Variants in SRSF6 observed in about 807,000 individuals in gnomAD.
SRSF6 encodes serine/arginine-rich splicing factor 6.
In SRSF6, 17 loss-of-function variants were observed where a neutral mutation model predicts 42.0. That is an observed-to-expected ratio of 0.40 (90% confidence interval 0.28 to 0.61). SRSF6 has a LOEUF of 0.61. SRSF6 is among the 20% of genes least tolerant of loss of function. SRSF6 has a pLI of 0.37. For missense variants in SRSF6, 379 were observed against 471.4 expected (o/e 0.80, Z 1.81); for synonymous variants, 204 against 166.7 (o/e 1.22, Z -1.72).
In SRSF6 at chr20:43,461,106, A is replaced by T. The variant is rs567752099; in HGVS notation, c.*43A>T. ...GCACATTATTATGGAACACTTTCCT[A>T]CTTAGGCAGTTACTCTTCCATGTTT... is the stretch of plus-strand genomic sequence containing the variant. On this transcript the variant is annotated 3_prime_UTR_variant, in exon 6 of 6. Coordinates refer to ENST00000244020, the MANE Select transcript of SRSF6 (RefSeq NM_006275.6). 34 of 1,511,800 alleles carry T rather than the reference A, an allele frequency of 2.2e-5. No homozygotes were observed. The South Asian group carries it at 4.1e-4, about 18-fold the overall frequency. 93.6% of individuals were successfully genotyped at this position (1,511,800 alleles called of 1,614,324 possible).
chr20:43,459,135 G>A (rs1368923559), intron 2 of SRSF6: 1 of 1,351,736 alleles, frequency 7.4e-7, no homozygotes, highest in East Asian at 4.5e-5. Context: ...ACAAGTCCTT[G>A]ATGTTTCAAT....
intron 4 of SRSF6, 104 bp downstream of exon 4, chr20:43,460,345 T>A: frequency 7.1e-7 from 1 of 1,417,834 alleles, no homozygotes; most frequent in Non-Finnish European, 9.8e-7. Context: ...AGCCAGCTTT[T>A]AGTTTGTTTT....
chr20:43,462,197 CAG>C lies in SRSF6; in HGVS notation c.*1135_*1136del, dbSNP rs1225747699. 6.6e-6 allele frequency: 1 copy of C among 152,100 alleles called. No homozygotes were observed. Among genetic ancestry groups the C allele is most frequent in the African/African-American group, 2.4e-5 (1 of 41,398 alleles). The allele number at this position is 152,100 out of a possible 1,614,324, so 9.4% of individuals were successfully genotyped here. A position where few individuals can be genotyped will look rare whatever the true frequency, so the allele number is the denominator to read the frequency against. On this transcript the variant is annotated 3_prime_UTR_variant, in exon 6 of 6. Coordinates refer to ENST00000244020, the MANE Select transcript of SRSF6 (RefSeq NM_006275.6). ...TGCTTTGTGTAATTGGTTTGAAAAA[CAG>C]TGAAATGGGTAAACGCAAAACTTTT...
Position 43,457,932 on chromosome 20 carries a change from G to T in SRSF6, c.-102G>T. 2 of 971,806 alleles carry T rather than the reference G, an allele frequency of 2.1e-6. No homozygotes were observed. Among genetic ancestry groups the T allele is most frequent in the Non-Finnish European group, 3.2e-6 (2 of 634,916 alleles). The allele number at this position is 971,806 out of a possible 1,614,324, so 60.2% of individuals were successfully genotyped here. A position where few individuals can be genotyped will look rare whatever the true frequency, so the allele number is the denominator to read the frequency against. ...GGACTCGGCCGCCCCTGTGGTGTGA[G>T]GCGCGTGTTCGGGCTCTTGCCGTCC... On this transcript the variant is annotated 5_prime_UTR_variant, in exon 1 of 6. It adds an upstream start codon to the 5' untranslated region. Transcript: ENST00000244020.
intron 2 of SRSF6, chr20:43,459,003 AAAT>A (rs1427217905): frequency 4.1e-5 from 24 of 589,088 alleles, no homozygotes; most frequent in Non-Finnish European, 6.0e-5. Flanking sequence ...AAGTAGATCT[AAAT>A]AAGCTTTATG....
Position 43,459,672 on chromosome 20 carries a change from C to T in SRSF6, c.257-99C>T, listed in dbSNP as rs2017552379. 3.8e-6 allele frequency: 6 copies of T among 1,565,480 alleles called. No individual in the cohort carries two copies. The South Asian group carries it at 4.6e-5, about 12-fold the overall frequency. Reference sequence around the variant, plus strand: ...TTAGCAATATAATAGCAAAGTCCTACTCCAGTAAATAAAAGTTGATATGTT... The same window carrying T: ...TTAGCAATATAATAGCAAAGTCCTATTCCAGTAAATAAAAGTTGATATGTT... On this transcript the variant is annotated intron_variant, in intron 2 of 5. Transcript: ENST00000244020.
Position 43,458,404 on chromosome 20 carries a change from G to T in SRSF6, c.151G>T (p.Ala51Ser). 6.4e-7 allele frequency: 1 copy of T among 1,555,006 alleles called. No homozygotes were observed. ...CGAGGACTCCCGCGACGCCGACGAC[G>T]CCGTTTACGAGCTGAACGGCAAGGA... ...EFEDSRDADD[A>S]VYELNGKELC... The change falls in exon 2 of 6, where the codon GCC becomes TCC. Residue 51 changes from alanine (A) to serine (S), a missense_variant. Physicochemically the swap from Ala to Ser is moderately conservative, Grantham distance 99 (BLOSUM62 1). Coordinates refer to ENST00000244020, the MANE Select transcript of SRSF6 (RefSeq NM_006275.6).
chr20:43,461,334 G>GTTTTTTTTTTTTT lies in SRSF6; in HGVS notation c.*273_*274insTTTTTTTTTTTTT, dbSNP rs1196378267. The GTTTTTTTTTTTTT allele has an allele frequency of 5.0e-4, 28 of 56,470 alleles. 5 individuals are homozygous for GTTTTTTTTTTTTT. Among genetic ancestry groups the GTTTTTTTTTTTTT allele is most frequent in the African/African-American group, 2.1e-3 (28 of 13,570 alleles). The allele number at this position is 56,470 out of a possible 1,614,324, so 3.5% of individuals were successfully genotyped here. A position where few individuals can be genotyped will look rare whatever the true frequency, so the allele number is the denominator to read the frequency against. On this transcript the variant is annotated 3_prime_UTR_variant, in exon 6 of 6. Coordinates refer to ENST00000244020, the MANE Select transcript of SRSF6 (RefSeq NM_006275.6). ...TTTGTAAAGATTAAGCTCATTTAGTGTTGTTTTTTTTTTTTTTTTTTTTTT... is the reference window on the plus strand; with the variant it reads ...TTTGTAAAGATTAAGCTCATTTAGTGTTTTTTTTTTTTTTTGTTTTTTTTTTTTTTTTTTTTTT...
chr20:43,460,779 C>T lies in SRSF6; in HGVS notation c.751C>T (p.Pro251Ser). Reference protein sequence around the residue: ...RKSRSKSKSKPKSDRGSHSHS... With the variant: ...RKSRSKSKSKSKSDRGSHSHS... ...ATCTAGATCAAAGAGCAAATCTAAG[C>T]CCAAGTCTGATCGGGGCTCCCATTC... is the stretch of plus-strand genomic sequence containing the variant. The change falls in exon 6 of 6, where the codon CCC becomes TCC. Residue 251 changes from proline (P) to serine (S), a missense_variant. Pro to Ser is a moderately conservative substitution (Grantham distance 74). This residue lies in a region of SRSF6 where 219 missense variants were observed against 216.1 expected (regional missense o/e 1.01). Coordinates refer to ENST00000244020, the MANE Select transcript of SRSF6 (RefSeq NM_006275.6). 1.9e-6 allele frequency: 3 copies of T among 1,614,150 alleles called. No homozygotes were observed. Among genetic ancestry groups the T allele is most frequent in the Non-Finnish European group, 8.5e-7 (1 of 1,180,034 alleles).
At position 43,461,894 on chromosome 20, in the gene SRSF6, C is replaced by T. The variant is rs1235957321; in HGVS notation, c.*831C>T. The T allele has an allele frequency of 6.6e-6, 1 of 152,118 alleles. No homozygotes were observed. Among genetic ancestry groups the T allele is most frequent in the Non-Finnish European group, 1.5e-5 (1 of 68,032 alleles). 9.4% of individuals were successfully genotyped at this position (152,118 alleles called of 1,614,324 possible). On this transcript the variant is annotated 3_prime_UTR_variant, in exon 6 of 6. Coordinates refer to ENST00000244020, the MANE Select transcript of SRSF6 (RefSeq NM_006275.6). ...TACTTGGGATCTTGTTTAGAGAATC[C>T]ACTTTCTGGAAGTTCTCAGCATAAT...
rs1159882447 is a variant in SRSF6 at position 43,462,238 on chromosome 20, A to G, written c.*1175A>G. 6.6e-6 allele frequency: 1 copy of G among 152,218 alleles called. No homozygotes were observed. The highest frequency in any genetic ancestry group is 1.9e-4 in the East Asian group (1 of 5,208). 9.4% of individuals were successfully genotyped at this position (152,218 alleles called of 1,614,324 possible). A position where few individuals can be genotyped will look rare whatever the true frequency, so the allele number is the denominator to read the frequency against. Reference sequence around the variant, plus strand: ...CGCAAAACTTTTGTACTTTATTACGAGTAAAGTGTAATGAGTACTGTGGAA... The same window carrying G: ...CGCAAAACTTTTGTACTTTATTACGGGTAAAGTGTAATGAGTACTGTGGAA... On this transcript the variant is annotated 3_prime_UTR_variant, in exon 6 of 6. Transcript: ENST00000244020.
chr20:43,460,423 A>C (rs1032526663), intron 4 of SRSF6, 92 bp from the exon 5 acceptor site: 1 of 1,457,248 alleles, frequency 6.9e-7, no homozygotes, highest in Non-Finnish European at 9.5e-7. Context: ...GTAAAGAAAA[A>C]CATTATTCTT....
chr20:43,460,813 G>A lies in SRSF6; in HGVS notation c.785G>A (p.Arg262Gln), dbSNP rs751833647. The A allele has an allele frequency of 6.8e-6, 11 of 1,613,984 alleles. No individual in the cohort carries two copies. Among genetic ancestry groups the A allele is most frequent in the East Asian group, 2.2e-5 (1 of 44,894 alleles). Reference sequence around the variant, plus strand: ...GATCGGGGCTCCCATTCACATTCTCGAAGCAGATCTAAGGATGAGTATGAG... The same window carrying A: ...GATCGGGGCTCCCATTCACATTCTCAAAGCAGATCTAAGGATGAGTATGAG... ...KSDRGSHSHSRSRSKDEYEKS... is the reference protein window; with the variant it reads ...KSDRGSHSHSQSRSKDEYEKS... Residue 262 changes from arginine to glutamine, a missense_variant, in exon 6 of 6, where the codon CGA becomes CAA. Physicochemically the swap from Arg to Gln is conservative, Grantham distance 43. Coordinates refer to ENST00000244020, the MANE Select transcript of SRSF6 (RefSeq NM_006275.6).
chr20:43,458,541 T>TG (rs1180794400), intron 2 of SRSF6, 32 bp downstream of exon 2: 2 of 1,439,232 alleles, frequency 1.4e-6, no homozygotes, highest in East Asian at 6.2e-5. Flanking sequence ...TCCGCGCCCT[T>TG]GGGGACCCTG....
At chr20:43,458,577 C>G (rs1023986983) in intron 2 of SRSF6, 68 bp downstream of exon 2, 167 of 1,393,176 alleles carry the variant, frequency 1.2e-4, no homozygotes, top group Middle Eastern at 2.6e-4. Flanking sequence ...GGGGTGGGGC[C>G]TCCCAGCCCG....
In SRSF6 at chr20:43,461,164, G is replaced by A. The variant is rs117799664; in HGVS notation, c.*101G>A. 2 of 1,424,018 alleles carry A rather than the reference G, an allele frequency of 1.4e-6. No homozygotes were observed. Among genetic ancestry groups the A allele is most frequent in the East Asian group, 2.5e-5 (1 of 39,910 alleles). 88.2% of individuals were successfully genotyped at this position (1,424,018 alleles called of 1,614,324 possible). ...GCCTCTTCTGCAAGAGGAATCTCTT[G>A]AAAACAGGGGCACACAGAAATTTGA... On this transcript the variant is annotated 3_prime_UTR_variant, in exon 6 of 6. Transcript: ENST00000244020.
At position 43,457,917 on chromosome 20, in the gene SRSF6, G is replaced by GC. The variant is rs1180050121; in HGVS notation, c.-113dup. 1.3e-6 allele frequency: 1 copy of GC among 787,176 alleles called. No homozygotes were observed. The highest frequency in any genetic ancestry group is 1.8e-5 in the African/African-American group (1 of 54,574). The allele number at this position is 787,176 out of a possible 1,614,324, so 48.8% of individuals were successfully genotyped here. On this transcript the variant is annotated 5_prime_UTR_variant, in exon 1 of 6. Coordinates refer to ENST00000244020, the MANE Select transcript of SRSF6 (RefSeq NM_006275.6). ...CGCCATTGTGTGGCTGGACTCGGCC[G>GC]CCCCTGTGGTGTGAGGCGCGTGTTC...
Position 43,461,341 on chromosome 20 carries a change from T to TTTTTTTTTTTTTTTTTTTAGTA in SRSF6, c.*296_*297insAGTATTTTTTTTTTTTTTTTTT, listed in dbSNP as rs2017592001. Reference sequence around the variant, plus strand: ...AGATTAAGCTCATTTAGTGTTGTTTTTTTTTTTTTTTTTTTTTTTTTTTTT... The same window carrying TTTTTTTTTTTTTTTTTTTAGTA: ...AGATTAAGCTCATTTAGTGTTGTTTTTTTTTTTTTTTTTTTTTTAGTATTTTTTTTTTTTTTTTTTTTTTTTT... On this transcript the variant is annotated 3_prime_UTR_variant, in exon 6 of 6. Coordinates refer to ENST00000244020, the MANE Select transcript of SRSF6 (RefSeq NM_006275.6). The TTTTTTTTTTTTTTTTTTTAGTA allele has an allele frequency of 4.6e-5, 1 of 21,738 alleles. No individual in the cohort carries two copies. The highest frequency in any genetic ancestry group is 1.4e-4 in the Non-Finnish European group (1 of 7,116). The allele number at this position is 21,738 out of a possible 1,614,324, so 1.3% of individuals were successfully genotyped here.
At position 43,459,834 on chromosome 20, in the gene SRSF6, G is replaced by A; in HGVS notation, c.320G>A (p.Arg107His). ...AGAGACAAATACGGACCACCTGTTC[G>A]TACAGAATACAGGCTTATTGTAGAA... Reference protein sequence around the residue: ...SGRDKYGPPVRTEYRLIVENL... With the variant: ...SGRDKYGPPVHTEYRLIVENL... Residue 107 changes from arginine (R) to histidine (H), a missense_variant, in exon 3 of 6, where the codon CGT (arginine) becomes CAT (histidine). Physicochemically the swap from Arg to His is conservative, Grantham distance 29. Coordinates refer to ENST00000244020, the MANE Select transcript of SRSF6 (RefSeq NM_006275.6). 1.9e-6 allele frequency: 3 copies of A among 1,613,748 alleles called. No individual in the cohort carries two copies. The highest frequency in any genetic ancestry group is 1.7e-6 in the Non-Finnish European group (2 of 1,179,942).
Sources: allele counts gnomAD v4.1 joint callset, GRCh38; gene constraint gnomAD v4.1.1; regional missense constraint gnomAD v4.1.1; transcripts MANE v1.5; gene names NCBI Gene and HGNC (gene_info 2026-07-23, HGNC 2026-07-21).